Variants in ANKS1B observed in about 807,000 individuals in gnomAD.
ANKS1B encodes the protein ankyrin repeat and sterile alpha motif domain-containing protein 1B.
ANKS1B carries 36 observed loss-of-function variants against 148.3 expected under a neutral mutation model. The observed-to-expected ratio is 0.24, with a 90% CI of 0.19 to 0.32. ANKS1B has a LOEUF of 0.32. ANKS1B is among the 10% of genes least tolerant of loss of function. The pLI is 1.00. For missense variants in ANKS1B, 1,157 were observed against 1,542.6 expected (o/e 0.75, Z 4.19); for synonymous variants, 542 against 560.8 (o/e 0.97, Z 0.47).
intron 9 of ANKS1B, among the ~76,000 whole-genome samples, chr12:99,641,529 C>T (rs2098305578): frequency 6.6e-6 from 1 of 152,060 alleles, no homozygotes; most frequent in South Asian, 2.1e-4. Flanking sequence ...GGTCAATAAA[C>T]ATCTGTGAAA....
At chr12:99,139,973 C>T (rs1600857516) in intron 15 of ANKS1B, among the ~76,000 whole-genome samples, 4 of 152,250 alleles carry the variant, frequency 2.6e-5, no homozygotes, top group Admixed American at 2.6e-4. Context: ...TTTTAAAATG[C>T]TGTGGCATAT....
chr12:99,149,320 G>T (rs997578515), intron 15 of ANKS1B, among the ~76,000 whole-genome samples: 48 of 152,052 alleles, frequency 3.2e-4, no homozygotes, highest in African/African-American at 1.1e-3. Context: ...TCTATCATGC[G>T]CAAATGTTTT....
chr12:99,859,271 T>C (rs1330363850), intron 1 of ANKS1B, among the ~76,000 whole-genome samples: 1 of 152,240 alleles, frequency 6.6e-6, no homozygotes, highest in East Asian at 1.9e-4. Flanking sequence ...TGGCATTGCA[T>C]GCTGCTAACA....
intron 25 of ANKS1B, among the ~76,000 whole-genome samples, chr12:98,756,661 G>A (rs1219331927): frequency 1.3e-5 from 2 of 151,698 alleles, no homozygotes; most frequent in African/African-American, 2.4e-5. Flanking sequence ...GGGAGGCAGA[G>A]GTTGCAGTGA....
At chr12:99,348,068 G>A (rs1213044610) in intron 12 of ANKS1B, among the ~76,000 whole-genome samples, 1 of 151,902 alleles carries the variant, frequency 6.6e-6, no homozygotes, top group Non-Finnish European at 1.5e-5. Context: ...TCTCTAGAAG[G>A]TTTCTACAGC....
intron 17 of ANKS1B, among the ~76,000 whole-genome samples, chr12:98,875,034 TATA>T (rs558752377): frequency 2.0e-4 from 31 of 152,358 alleles, no homozygotes; most frequent in Non-Finnish European, 3.5e-4. Context: ...TGTAACTTCC[TATA>T]ATGACAGCAG....
intron 11 of ANKS1B, among the ~76,000 whole-genome samples, chr12:99,436,991 G>A (rs1409286432): frequency 6.6e-6 from 1 of 152,014 alleles, no homozygotes; most frequent in Non-Finnish European, 1.5e-5. Context: ...TTAGGATGAG[G>A]TTTTGGGTTA....
chr12:98,858,164 A>G (rs139684705), intron 17 of ANKS1B, among the ~76,000 whole-genome samples: 2 of 152,250 alleles, frequency 1.3e-5, no homozygotes, highest in African/African-American at 4.8e-5. Flanking sequence ...GACCTACTCT[A>G]TGTACTCTGG....
intron 17 of ANKS1B, among the ~76,000 whole-genome samples, chr12:99,016,458 C>A (rs2099942588): frequency 6.6e-6 from 1 of 152,152 alleles, no homozygotes. Context: ...AAGTTCGAGA[C>A]CAGCCTAGCC....
At chr12:99,780,910 C>T (rs1391419917) in intron 5 of ANKS1B, among the ~76,000 whole-genome samples, 1 of 152,084 alleles carries the variant, frequency 6.6e-6, no homozygotes, top group African/African-American at 2.4e-5. Context: ...CACTAATCAT[C>T]CACCTGACGA....
At chr12:99,159,343 C>T (rs1014791461) in intron 14 of ANKS1B, among the ~76,000 whole-genome samples, 1 of 152,040 alleles carries the variant, frequency 6.6e-6, no homozygotes, top group East Asian at 1.9e-4. Flanking sequence ...CAGCACAGTA[C>T]CCAATAGTTA....
rs151095842 is a variant in ANKS1B, at chr12:99,031,183, T to G, written c.2778+21974A>C. 5.3e-5 allele frequency among the ~76,000 whole-genome samples: 8 copies of G among 152,358 alleles called. No homozygotes were observed. In the East Asian group the frequency reaches 1.5e-3, roughly 29 times the overall value. On this transcript the variant is annotated intron_variant, in intron 17 of 26. Transcript: ENST00000683438. The stretch of plus-strand genomic sequence containing the variant: ...CACTTGATGGGGTTATAAGGAAAGT[T>G]TGGAAATCATCTTACACCTTCTAGA...
intron 4 of ANKS1B, among the ~76,000 whole-genome samples, chr12:99,798,898 G>T (rs1490803440): frequency 6.6e-6 from 1 of 151,886 alleles, no homozygotes; most frequent in Non-Finnish European, 1.5e-5. Flanking sequence ...ACTTTCTGCT[G>T]CTTCTTGAAT....
At chr12:98,986,536 T>A (rs1179286963) in intron 17 of ANKS1B, among the ~76,000 whole-genome samples, 1 of 152,150 alleles carries the variant, frequency 6.6e-6, no homozygotes, top group Non-Finnish European at 1.5e-5. Flanking sequence ...AGCATTCCCA[T>A]TGGACTTTTA....
chr12:99,280,947 T>A (rs201507436), intron 12 of ANKS1B, among the ~76,000 whole-genome samples: 13 of 144,218 alleles, frequency 9.0e-5, no homozygotes, highest in African/African-American at 1.8e-4. Flanking sequence ...ACACACACAC[T>A]CTCTCTCTCT....
intron 19 of ANKS1B, among the ~76,000 whole-genome samples, chr12:98,814,685 C>T (rs2099125125): frequency 6.6e-6 from 1 of 152,314 alleles, no homozygotes; most frequent in Middle Eastern, 3.4e-3. Flanking sequence ...TTTGCAATTT[C>T]ATTTGCCTAT....
chr12:98,850,087 CA>C (rs1319110459), intron 17 of ANKS1B, among the ~76,000 whole-genome samples: 3 of 35,374 alleles, frequency 8.5e-5, no homozygotes, highest in Non-Finnish European at 1.5e-4. Flanking sequence ...ATGTGACTTC[CA>C]AATAACACAG....
chr12:99,380,102 A>T (rs78815597), intron 12 of ANKS1B, among the ~76,000 whole-genome samples: 18,947 of 152,226 alleles, frequency 0.12, 1,244 homozygotes, highest in African/African-American at 0.17. Flanking sequence ...AGTTGAACCA[A>T]GGGCATTTTC....
chr12:99,454,549 A>G (rs2095814959), intron 10 of ANKS1B, among the ~76,000 whole-genome samples: 1 of 152,230 alleles, frequency 6.6e-6, no homozygotes, highest in Non-Finnish European at 1.5e-5. Context: ...CAATGAACAG[A>G]TGGTTGGGAG....
Sources: allele counts gnomAD v4.1 joint callset (sites outside exome capture counted in the v4.1 genomes callset), GRCh38; gene constraint gnomAD v4.1.1; transcripts MANE v1.5; gene names NCBI Gene and HGNC (gene_info 2026-07-23, HGNC 2026-07-21).